The following CDK14 variants were observed in gnomAD, a reference collection of about 807,000 sequenced individuals.
The protein encoded by CDK14 is cyclin dependent kinase 14, also known as cyclin-dependent kinase 14.
In CDK14, 34 loss-of-function variants were observed where a neutral mutation model predicts 60.7. The ratio of observed to expected loss-of-function variants is 0.56; its 90% CI spans 0.43 to 0.75. CDK14 has a LOEUF of 0.75. Ranked by LOEUF, CDK14 falls within the 30% of genes least tolerant of loss-of-function variation. The probability of loss-of-function intolerance (pLI) is 0.00; values close to 1 mark genes in which losing one functional copy is unlikely to be tolerated. For missense variants in CDK14, 482 were observed against 564.1 expected (o/e 0.85, Z 1.47); for synonymous variants, 197 against 203.7 (o/e 0.97, Z 0.28).
intron 2 of CDK14, among the ~76,000 whole-genome samples, chr7:90,652,258 C>G (rs1269759483): frequency 6.6e-6 from 1 of 152,136 alleles, no homozygotes; most frequent in African/African-American, 2.4e-5. Flanking sequence ...TGCTGAATTA[C>G]TTGAATTTTA....
chr7:91,135,503 G>GTAC (rs1465559687), intron 14 of CDK14, among the ~76,000 whole-genome samples: 1 of 152,128 alleles, frequency 6.6e-6, no homozygotes, highest in Non-Finnish European at 1.5e-5. Context: ...AAAGATAGCC[G>GTAC]GGTAAGAGTA....
chr7:90,757,829 C>G (rs1371585307), intron 4 of CDK14, among the ~76,000 whole-genome samples: 2 of 152,128 alleles, frequency 1.3e-5, no homozygotes, highest in African/African-American at 2.4e-5. Flanking sequence ...TCTCGAACTC[C>G]TGAACTAAAG....
At chr7:90,680,970 A>AT (rs2116559814) in intron 2 of CDK14, among the ~76,000 whole-genome samples, 1 of 152,314 alleles carries the variant, frequency 6.6e-6, no homozygotes, top group East Asian at 1.9e-4. Context: ...AAATTAAAGT[A>AT]TTTTTTAATG....
chr7:91,169,484 T>C lies in CDK14; in HGVS notation c.*29-37681T>C, dbSNP rs191559266. ...AATTAAATTGTTTTTTTAAACTGAA[T>C]TTGCAGTAGGGACATTTTACAGCTG... On this transcript the variant is annotated intron_variant, in intron 14 of 14. Transcript: ENST00000380050. Among the ~76,000 whole-genome samples, 223 of 152,320 alleles carry C rather than the reference T, an allele frequency of 1.5e-3. 1 individual carries two copies. Among genetic ancestry groups the C allele is most frequent in the African/African-American group, 5.0e-3 (209 of 41,580 alleles).
chr7:90,596,620 T>C lies in CDK14; in HGVS notation c.-8T>C. On this transcript the variant is annotated 5_prime_UTR_variant, in exon 1 of 15. Transcript: ENST00000380050. ...TTGGGGAAGTTGTCGGGGCTCCGCG[T>C]CGCCCAGATGTGTGACCTCATTGAG... is the stretch of plus-strand genomic sequence containing the variant. 1 of 1,596,762 alleles carries C rather than the reference T, an allele frequency of 6.3e-7. No individual in the cohort carries two copies.
intron 2 of CDK14, among the ~76,000 whole-genome samples, chr7:90,641,336 G>C (rs770015800): frequency 6.6e-6 from 1 of 152,014 alleles, no homozygotes; most frequent in African/African-American, 2.4e-5. Context: ...AAAGGACAGA[G>C]CAGCATTGTT....
chr7:90,929,405 G>A (rs1793522775), intron 8 of CDK14, among the ~76,000 whole-genome samples: 1 of 152,122 alleles, frequency 6.6e-6, no homozygotes, highest in Non-Finnish European at 1.5e-5. Flanking sequence ...TCATGGTGAT[G>A]GTTATTTGAC....
intron 9 of CDK14, among the ~76,000 whole-genome samples, chr7:90,968,367 A>G (rs1407641963): frequency 6.6e-6 from 1 of 152,258 alleles, no homozygotes; most frequent in Admixed American, 6.5e-5. Context: ...GCTAAATTTC[A>G]TTAAAAATAA....
intron 10 of CDK14, among the ~76,000 whole-genome samples, chr7:90,994,980 A>G (rs1227180564): frequency 2.0e-5 from 3 of 152,240 alleles, no homozygotes; most frequent in Non-Finnish European, 4.4e-5. Flanking sequence ...TTCTCAGAAC[A>G]TTACATATGT....
intron 8 of CDK14, among the ~76,000 whole-genome samples, chr7:90,919,712 A>G (rs1018454835): frequency 6.6e-6 from 1 of 152,244 alleles, no homozygotes; most frequent in Non-Finnish European, 1.5e-5. Context: ...TAAGATTGAC[A>G]AAATCATTTG....
At chr7:91,029,137 T>TCA (rs1279202182) in intron 10 of CDK14, among the ~76,000 whole-genome samples, 10 of 152,182 alleles carry the variant, frequency 6.6e-5, no homozygotes, top group Non-Finnish European at 1.3e-4. Flanking sequence ...TTGACTTTTG[T>TCA]ATATGGTGAT....
intron 2 of CDK14, among the ~76,000 whole-genome samples, chr7:90,607,628 T>C (rs1799445282): frequency 6.6e-6 from 1 of 152,226 alleles, no homozygotes; most frequent in Admixed American, 6.5e-5. Context: ...GCTGTGTTTG[T>C]GAGCACACGT....
intron 8 of CDK14, among the ~76,000 whole-genome samples, chr7:90,922,737 A>G (rs1223909988): frequency 6.6e-6 from 1 of 152,170 alleles, no homozygotes; most frequent in Non-Finnish European, 1.5e-5. Flanking sequence ...GGGAATGATA[A>G]TGACATCTAA....
chr7:91,050,676 G>A (rs1444770702), intron 11 of CDK14, among the ~76,000 whole-genome samples: 1 of 152,118 alleles, frequency 6.6e-6, no homozygotes, highest in African/African-American at 2.4e-5. Context: ...TGCTATAAAG[G>A]AATTCATGAG....
chr7:91,018,532 C>A (rs1796358065), intron 10 of CDK14, among the ~76,000 whole-genome samples: 1 of 152,188 alleles, frequency 6.6e-6, no homozygotes, highest in South Asian at 2.1e-4. Flanking sequence ...CAACTCCTTA[C>A]AAGGGCATTG....
At position 91,209,555 on chromosome 7, in the gene CDK14, A is replaced by G. The variant is rs568769199; in HGVS notation, c.*2419A>G. Reference sequence around the variant, plus strand: ...ATGAAAATCAATTCAGACTGTGTTGATTAGCAGATTTATTATTCTATTGAG... The same window carrying G: ...ATGAAAATCAATTCAGACTGTGTTGGTTAGCAGATTTATTATTCTATTGAG... On this transcript the variant is annotated 3_prime_UTR_variant, in exon 15 of 15. Coordinates refer to ENST00000380050, the MANE Select transcript of CDK14 (RefSeq NM_001287135.2). 6.6e-6 allele frequency: 1 copy of G among 152,114 alleles called. No individual in the cohort carries two copies. The highest frequency in any genetic ancestry group is 1.5e-5 in the Non-Finnish European group (1 of 68,000). The allele number at this position is 152,114 out of a possible 1,614,324, so 9.4% of individuals were successfully genotyped here. A position where few individuals can be genotyped will look rare whatever the true frequency, so the allele number is the denominator to read the frequency against.
chr7:91,190,574 C>T (rs1190278833), intron 14 of CDK14, among the ~76,000 whole-genome samples: 1 of 152,180 alleles, frequency 6.6e-6, no homozygotes, highest in Non-Finnish European at 1.5e-5. Context: ...ACTGCAATCT[C>T]TGTGTCTCAG....
chr7:91,147,199 C>A (rs1279140248), intron 14 of CDK14, among the ~76,000 whole-genome samples: 1 of 150,070 alleles, frequency 6.7e-6, no homozygotes, highest in East Asian at 1.9e-4. Context: ...CACACACACA[C>A]ACACACACTT....
intron 11 of CDK14, among the ~76,000 whole-genome samples, chr7:91,055,178 C>G (rs1266398254): frequency 6.6e-6 from 1 of 152,052 alleles, no homozygotes; most frequent in East Asian, 1.9e-4. Context: ...AGGTCCATAG[C>G]TGACCAGGGA....
Sources: allele counts gnomAD v4.1 joint callset (sites outside exome capture counted in the v4.1 genomes callset), GRCh38; gene constraint gnomAD v4.1.1; transcripts MANE v1.5; gene names NCBI Gene and HGNC (gene_info 2026-07-23, HGNC 2026-07-21).